Variants in ATF7 observed in about 807,000 individuals in gnomAD.
ATF7 encodes cyclic AMP-dependent transcription factor ATF-7.
Under a neutral mutation model 50.4 loss-of-function variants are expected in ATF7, and 10 were observed. The observed-to-expected ratio is 0.20, with a 90% CI of 0.12 to 0.34. The LOEUF is 0.34. Among genes scored for constraint, ATF7 ranks in the 10% least tolerant of loss-of-function variants. The probability of loss-of-function intolerance (pLI) is 1.00; values close to 1 mark genes in which losing one functional copy is unlikely to be tolerated. For missense variants in ATF7, 465 were observed against 613.9 expected (o/e 0.76, Z 2.56); for synonymous variants, 201 against 226.4 (o/e 0.89, Z 1.01).
At chr12:53,615,692 CA>C (rs985506183) in intron 1 of ATF7, among the ~76,000 whole-genome samples, 1 of 152,000 alleles carries the variant, frequency 6.6e-6, no homozygotes, top group African/African-American at 2.4e-5. Context: ...GGCAAGAGAG[CA>C]AAATCCTTTC....
intron 2 of ATF7, among the ~76,000 whole-genome samples, chr12:53,579,069 C>T (rs1942251907): frequency 6.6e-6 from 1 of 151,332 alleles, no homozygotes; most frequent in Non-Finnish European, 1.5e-5. Context: ...AGAGAGAAAC[C>T]CTGTCTCTAC....
chr12:53,537,346 T>C (rs1939281901), intron 5 of ATF7, 69 bp downstream of exon 5: 1 of 1,582,342 alleles, frequency 6.3e-7, no homozygotes, highest in Non-Finnish European at 8.6e-7. Context: ...TAGGACATAC[T>C]ATTTATATAA....
chr12:53,621,060 C>A (rs759130665), intron 1 of ATF7, among the ~76,000 whole-genome samples: 13 of 152,176 alleles, frequency 8.5e-5, no homozygotes, highest in Admixed American at 3.9e-4. Context: ...GCATAAGATA[C>A]CCAAACAGCA....
At chr12:53,537,609 C>A in intron 4 of ATF7, 57 bp from the exon 5 acceptor site, 1 of 1,579,256 alleles carries the variant, frequency 6.3e-7, no homozygotes, top group Non-Finnish European at 8.6e-7. Flanking sequence ...CAGGTTGAAT[C>A]TATATTTTCC....
intron 2 of ATF7, among the ~76,000 whole-genome samples, chr12:53,558,128 C>T (rs1255703227): frequency 6.6e-6 from 1 of 152,188 alleles, no homozygotes; most frequent in Non-Finnish European, 1.5e-5. Flanking sequence ...TCCCTAAATC[C>T]ATTTTCTTTA....
At chr12:53,574,898 G>A in intron 2 of ATF7, 3 of 328,684 alleles carry the variant, frequency 9.1e-6, no homozygotes, top group South Asian at 8.9e-5. Context: ...TGCAGAGGGT[G>A]AGCAAGACTT....
At chr12:53,590,321 C>T (rs1942886882) in intron 2 of ATF7, among the ~76,000 whole-genome samples, 1 of 152,162 alleles carries the variant, frequency 6.6e-6, no homozygotes, top group African/African-American at 2.4e-5. Context: ...TAGTAATTTA[C>T]ATGAATCTTT....
chr12:53,617,878 A>G (rs1944206937), intron 1 of ATF7, among the ~76,000 whole-genome samples: 1 of 147,234 alleles, frequency 6.8e-6, no homozygotes, highest in Non-Finnish European at 1.5e-5. Context: ...TCAGTCCATT[A>G]TACAGAAGAC....
In ATF7 at chr12:53,524,943, T is replaced by C. The variant is rs1938356918; in HGVS notation, c.928-182A>G. On this transcript the variant is annotated intron_variant, in intron 9 of 11. Transcript: ENST00000420353. The surrounding 1 kb of genome is among the most constrained non-coding windows in gnomAD (Gnocchi z 4.6). The stretch of plus-strand genomic sequence containing the variant: ...TGTAGGAGTCCTCAATTTTGCCTCC[T>C]ATTTCCTTCCAGTCTTCTCAGTCTC... 3 of 575,792 alleles carry C rather than the reference T, an allele frequency of 5.2e-6. No individual in the cohort carries two copies. Among genetic ancestry groups the C allele is most frequent in the Non-Finnish European group, 8.9e-6 (3 of 337,066 alleles). 35.7% of individuals were successfully genotyped at this position (575,792 alleles called of 1,614,324 possible). A position where few individuals can be genotyped will look rare whatever the true frequency, so the allele number is the denominator to read the frequency against.
At chr12:53,540,352 C>CA (rs575991616) in intron 4 of ATF7, among the ~76,000 whole-genome samples, 9,448 of 78,250 alleles carry the variant, frequency 0.12, 520 homozygotes, top group East Asian at 0.29. Context: ...GACTCCGTCT[C>CA]AAAAAAAAAA....
intron 2 of ATF7, among the ~76,000 whole-genome samples, chr12:53,589,684 TAA>T (rs1341494300): frequency 6.6e-6 from 1 of 152,112 alleles, no homozygotes; most frequent in Non-Finnish European, 1.5e-5. Context: ...ATCGAGAGGG[TAA>T]AGAGACAATA....
At chr12:53,553,832 C>T (rs537169456) in intron 2 of ATF7, among the ~76,000 whole-genome samples, 5 of 152,130 alleles carry the variant, frequency 3.3e-5, no homozygotes, top group Non-Finnish European at 2.9e-5. Flanking sequence ...AAATACTATA[C>T]GTTTAGCCTT....
intron 6 of ATF7, among the ~76,000 whole-genome samples, chr12:53,533,995 C>T (rs566310806): frequency 6.6e-6 from 1 of 152,252 alleles, no homozygotes; most frequent in African/African-American, 2.4e-5. Context: ...GTATTACCCC[C>T]GGCTGGGCAC....
At chr12:53,548,904 G>C (rs1435555994) in intron 3 of ATF7, among the ~76,000 whole-genome samples, 1 of 152,180 alleles carries the variant, frequency 6.6e-6, no homozygotes, top group Non-Finnish European at 1.5e-5. Flanking sequence ...AGGATGGCTT[G>C]AGTCCAAGAG....
intron 1 of ATF7, among the ~76,000 whole-genome samples, chr12:53,606,274 C>T (rs376942518): frequency 2.6e-5 from 4 of 151,546 alleles, no homozygotes; most frequent in Admixed American, 6.6e-5. Context: ...GACGGAGTTT[C>T]GCTTTTGTTG....
intron 2 of ATF7, among the ~76,000 whole-genome samples, chr12:53,600,394 G>A (rs1043882732): frequency 6.6e-5 from 10 of 151,488 alleles, no homozygotes; most frequent in African/African-American, 2.2e-4. Flanking sequence ...AGGCTGGAGT[G>A]CAGTCGCACA....
intron 11 of ATF7, among the ~76,000 whole-genome samples, chr12:53,520,950 G>C (rs911844551): frequency 2.6e-5 from 4 of 151,522 alleles, no homozygotes; most frequent in Admixed American, 6.6e-5. Flanking sequence ...GCCTGCTTCT[G>C]CCCTTGTACC....
At chr12:53,618,863 G>C (rs1483356949) in intron 1 of ATF7, among the ~76,000 whole-genome samples, 1 of 152,000 alleles carries the variant, frequency 6.6e-6, no homozygotes, top group East Asian at 1.9e-4. Flanking sequence ...ACCACCCTGA[G>C]CAACATGGTG....
At chr12:53,540,226 C>G (rs913138199) in intron 4 of ATF7, among the ~76,000 whole-genome samples, 3 of 151,754 alleles carry the variant, frequency 2.0e-5, no homozygotes, top group Non-Finnish European at 4.4e-5. Flanking sequence ...TGGCATGGAC[C>G]TGTAGTCCCA....
Sources: allele counts gnomAD v4.1 joint callset (sites outside exome capture counted in the v4.1 genomes callset), GRCh38; gene constraint gnomAD v4.1.1; non-coding constraint Gnocchi (gnomAD v3.1); transcripts MANE v1.5; gene names NCBI Gene and HGNC (gene_info 2026-07-23, HGNC 2026-07-21).